Variants in CREB5 observed in about 807,000 individuals in gnomAD.
CREB5 encodes the protein cyclic AMP-responsive element-binding protein 5.
In CREB5, 19 loss-of-function variants were observed where a neutral mutation model predicts 57.1. The ratio of observed to expected loss-of-function variants is 0.33; its 90% CI spans 0.23 to 0.49. The LOEUF (loss-of-function observed/expected upper bound fraction) is 0.49. Among genes scored for constraint, CREB5 ranks in the 20% least tolerant of loss-of-function variants. The probability of loss-of-function intolerance (pLI) is 0.99; values close to 1 mark genes in which losing one functional copy is unlikely to be tolerated. For synonymous variants in CREB5, 238 were observed against 238.3 expected (o/e 1.00, Z 0.01); for missense variants, 579 against 671.6 (o/e 0.86, Z 1.52).
intron 1 of CREB5, among the ~76,000 whole-genome samples, chr7:28,365,878 A>G (rs1786576692): frequency 1.3e-5 from 2 of 152,296 alleles, no homozygotes; most frequent in South Asian, 4.1e-4. Flanking sequence ...AATTTTGTAG[A>G]CCATTACACA....
At chr7:28,482,985 G>C (rs1362183706) in intron 1 of CREB5, among the ~76,000 whole-genome samples, 2 of 152,176 alleles carry the variant, frequency 1.3e-5, no homozygotes, top group African/African-American at 4.8e-5. Context: ...ACTAAGATTA[G>C]AGTTTGATGT....
intron 1 of CREB5, among the ~76,000 whole-genome samples, chr7:28,468,549 G>A (rs140515169): frequency 6.6e-6 from 1 of 152,210 alleles, no homozygotes; most frequent in Non-Finnish European, 1.5e-5. Context: ...GCACCAGAGT[G>A]GGGGAAGGAG....
At chr7:28,423,152 A>T (rs1788344262) in intron 1 of CREB5, among the ~76,000 whole-genome samples, 1 of 152,172 alleles carries the variant, frequency 6.6e-6, no homozygotes, top group Non-Finnish European at 1.5e-5. Flanking sequence ...ACACTTATGG[A>T]ACCAAGTGTG....
chr7:28,398,007 A>C lies in CREB5; in HGVS notation c.-24-96899A>C, dbSNP rs572115073. Among the ~76,000 whole-genome samples the C allele has an allele frequency of 2.6e-5, 4 of 152,336 alleles. No individual in the cohort carries two copies. The South Asian group carries it at 8.3e-4, about 32-fold the overall frequency. On this transcript the variant is annotated intron_variant, in intron 1 of 9. Coordinates refer to the CREB5 transcript ENST00000396299. ...TGTACAATTCAGTGATACTAAGTAC[A>C]TTTATAATGTTAGATAACCATTGCT...
At chr7:28,765,535 A>G (rs1255222101) in intron 7 of CREB5, among the ~76,000 whole-genome samples, 1 of 152,194 alleles carries the variant, frequency 6.6e-6, no homozygotes. Flanking sequence ...CTTTGTGTGT[A>G]CATGTATGTT....
intron 5 of CREB5, among the ~76,000 whole-genome samples, chr7:28,604,859 T>C (rs1375699653): frequency 4.6e-5 from 7 of 152,128 alleles, no homozygotes; most frequent in Non-Finnish European, 1.0e-4. Flanking sequence ...AACTAAGTTT[T>C]TCCTTTGTTT....
At chr7:28,763,156 TC>T (rs987283598) in intron 7 of CREB5, among the ~76,000 whole-genome samples, 1 of 140,690 alleles carries the variant, frequency 7.1e-6, no homozygotes, top group Non-Finnish European at 1.7e-5. Flanking sequence ...TGTGAGTTTC[TC>T]CTGATTTTCT....
intron 1 of CREB5, among the ~76,000 whole-genome samples, chr7:28,468,403 G>C: frequency 6.6e-6 from 1 of 152,170 alleles, no homozygotes; most frequent in Non-Finnish European, 1.5e-5. Flanking sequence ...AACCTTGACT[G>C]TCCAAGTCCA....
intron 4 of CREB5, among the ~76,000 whole-genome samples, chr7:28,558,163 C>G (rs1390565443): frequency 1.3e-5 from 2 of 152,202 alleles, no homozygotes; most frequent in African/African-American, 4.8e-5. Context: ...ATAAGACAGA[C>G]TAAGCCTCTC....
At chr7:28,803,755 CAA>C (rs562078960) in intron 7 of CREB5, among the ~76,000 whole-genome samples, 3,404 of 79,900 alleles carry the variant, frequency 0.043, 130 homozygotes, top group African/African-American at 0.16. Flanking sequence ...GACTCCATCT[CAA>C]AAAAAAAAAA....
At chr7:28,719,817 T>C (rs1202276411) in intron 6 of CREB5, among the ~76,000 whole-genome samples, 1 of 152,084 alleles carries the variant, frequency 6.6e-6, no homozygotes, top group Non-Finnish European at 1.5e-5. Context: ...ATCCCAGCAC[T>C]TTGGGAGGCC....
At chr7:28,331,520 A>T (rs997629926) in intron 1 of CREB5, among the ~76,000 whole-genome samples, 1 of 152,140 alleles carries the variant, frequency 6.6e-6, no homozygotes, top group African/African-American at 2.4e-5. Flanking sequence ...CAAATGACTA[A>T]AATCTTGTAT....
At chr7:28,604,948 G>A (rs1202657142) in intron 5 of CREB5, among the ~76,000 whole-genome samples, 1 of 151,974 alleles carries the variant, frequency 6.6e-6, no homozygotes, top group African/African-American at 2.4e-5. Context: ...TTCTCTTCCA[G>A]TCACTATGTG....
intron 1 of CREB5, among the ~76,000 whole-genome samples, chr7:28,320,283 A>G (rs780089148): frequency 2.0e-5 from 3 of 152,108 alleles, no homozygotes; most frequent in African/African-American, 4.8e-5. Flanking sequence ...CACAAATTAT[A>G]AAGTGTGTAA....
chr7:28,351,068 G>A (rs2127990547), intron 1 of CREB5, among the ~76,000 whole-genome samples: 1 of 152,250 alleles, frequency 6.6e-6, no homozygotes, highest in South Asian at 2.1e-4. Context: ...AGAAGTAAAT[G>A]CATTCTAAAG....
intron 5 of CREB5, among the ~76,000 whole-genome samples, chr7:28,659,582 C>T (rs1017751472): frequency 6.6e-6 from 1 of 152,160 alleles, no homozygotes; most frequent in African/African-American, 2.4e-5. Flanking sequence ...AAATATATAA[C>T]TCTTTGTGAC....
intron 4 of CREB5, among the ~76,000 whole-genome samples, chr7:28,534,561 G>A (rs1254365885): frequency 2.6e-5 from 4 of 152,320 alleles, no homozygotes; most frequent in Middle Eastern, 6.8e-3. Flanking sequence ...GTGTAACAGG[G>A]CACTTCTTCT....
chr7:28,497,562 C>A (rs1157772426), intron 3 of CREB5, among the ~76,000 whole-genome samples: 2 of 152,076 alleles, frequency 1.3e-5, no homozygotes, highest in East Asian at 1.9e-4. Context: ...CCATTTAATA[C>A]TCCTAATGAA....
chr7:28,401,152 A>C (rs1274222151), intron 1 of CREB5, among the ~76,000 whole-genome samples: 1 of 152,224 alleles, frequency 6.6e-6, no homozygotes, highest in African/African-American at 2.4e-5. Context: ...GTCGCTTTCA[A>C]AGAAAGAAAA....
Sources: allele counts gnomAD v4.1 joint callset (sites outside exome capture counted in the v4.1 genomes callset), GRCh38; gene constraint gnomAD v4.1.1; transcripts MANE v1.5; gene names NCBI Gene and HGNC (gene_info 2026-07-23, HGNC 2026-07-21).